Variants in PPP2R5C observed in about 807,000 individuals in gnomAD.
The protein encoded by PPP2R5C is serine/threonine-protein phosphatase 2A 56 kDa regulatory subunit gamma isoform.
In PPP2R5C, 7 loss-of-function variants were observed where a neutral mutation model predicts 68.9. The observed-to-expected ratio is 0.10, with a 90% CI of 0.06 to 0.19. The LOEUF is 0.19. Ranked by LOEUF, PPP2R5C falls within the 10% of genes least tolerant of loss-of-function variation. The pLI is 1.00. For synonymous variants in PPP2R5C, 210 were observed against 222.2 expected (o/e 0.95, Z 0.49); for missense variants, 348 against 641.3 (o/e 0.54, Z 4.94).
At chr14:101,923,880 A>T (rs536549624) in intron 13 of PPP2R5C, among the ~76,000 whole-genome samples, 1 of 117,970 alleles carries the variant, frequency 8.5e-6, no homozygotes, top group Non-Finnish European at 1.8e-5. Context: ...CATCCATGTC[A>T]AAATCAGACA....
rs2044254861 is a variant in PPP2R5C, at chr14:101,882,994, G to A, written c.406-263G>A. The A allele has an allele frequency of 2.6e-6, 1 of 391,168 alleles. No individual in the cohort carries two copies. The highest frequency in any genetic ancestry group is 4.6e-6 in the Non-Finnish European group (1 of 215,980). 24.2% of individuals were successfully genotyped at this position (391,168 alleles called of 1,614,324 possible). A position where few individuals can be genotyped will look rare whatever the true frequency, so the allele number is the denominator to read the frequency against. ...CTGTGCCCTGTAGTCCCTGAACAGTGTACTATAACTGATGACATCAGCCAT... is the reference window on the plus strand; with the variant it reads ...CTGTGCCCTGTAGTCCCTGAACAGTATACTATAACTGATGACATCAGCCAT... On this transcript the variant is annotated intron_variant, in intron 3 of 13. Coordinates refer to ENST00000334743, the Ensembl canonical transcript of PPP2R5C. The surrounding 1 kb of genome is among the most constrained non-coding windows in gnomAD (Gnocchi z 4.9).
chr14:101,844,138 T>G (rs1200021350), intron 1 of PPP2R5C: 1 of 147,216 alleles, frequency 6.8e-6, no homozygotes, highest in Non-Finnish European at 1.5e-5. Flanking sequence ...TTGGTGTTTT[T>G]TTTGTTTTTT....
At chr14:101,852,348 T>C (rs988759635) in intron 1 of PPP2R5C, among the ~76,000 whole-genome samples, 2 of 152,200 alleles carry the variant, frequency 1.3e-5, no homozygotes, top group South Asian at 2.1e-4. Flanking sequence ...CAGCCTACTT[T>C]AAAGGAGATC....
intron 2 of PPP2R5C, among the ~76,000 whole-genome samples, chr14:101,874,225 T>C (rs905272073): frequency 3.9e-5 from 6 of 152,242 alleles, no homozygotes; most frequent in African/African-American, 1.4e-4. Flanking sequence ...TCAGTTGATT[T>C]ATATCACGTT....
At chr14:101,837,888 C>G (rs1301142206) in intron 1 of PPP2R5C, among the ~76,000 whole-genome samples, 1 of 152,216 alleles carries the variant, frequency 6.6e-6, no homozygotes, top group Non-Finnish European at 1.5e-5. Context: ...AGGGTAGGCT[C>G]AGTCACTTGC....
At position 101,899,116 on chromosome 14, in the gene PPP2R5C, T is replaced by C. The variant is rs2045531193; in HGVS notation, c.853-2603T>C. On this transcript the variant is annotated intron_variant, in intron 8 of 13. Transcript: ENST00000334743. This position sits in a 1 kb window ranked among gnomAD's most constrained non-coding sequence, Gnocchi z 4.2. Reference sequence around the variant, plus strand: ...ATTAGTATTTTTCATTTGCTAATTGTGTACAGTGCTCAAAAGCTTTCTGGG... The same window carrying C: ...ATTAGTATTTTTCATTTGCTAATTGCGTACAGTGCTCAAAAGCTTTCTGGG... 6.6e-6 allele frequency among the ~76,000 whole-genome samples: 1 copy of C among 152,354 alleles called. No individual in the cohort carries two copies. Among genetic ancestry groups the C allele is most frequent in the Non-Finnish European group, 1.5e-5 (1 of 68,034 alleles).
intron 2 of PPP2R5C, among the ~76,000 whole-genome samples, chr14:101,867,903 G>T (rs756376485): frequency 6.6e-6 from 1 of 152,002 alleles, no homozygotes; most frequent in Non-Finnish European, 1.5e-5. Flanking sequence ...ATTTTAATCC[G>T]CACTGTCTGT....
chr14:101,898,079 G>C (rs2045463160), intron 8 of PPP2R5C, among the ~76,000 whole-genome samples: 1 of 152,100 alleles, frequency 6.6e-6, no homozygotes. Flanking sequence ...AGAGTTGTTT[G>C]AGCCCAGGGG....
exon 1 of PPP2R5C, chr14:101,810,017 G>T: frequency 1.2e-6 from 2 of 1,613,886 alleles, no homozygotes; most frequent in Non-Finnish European, 1.7e-6. Context: ...TCCAGCCCGT[G>T]GTCCTTCTCC....
exon 7 of PPP2R5C, chr14:101,893,105 C>G (rs2045060301): frequency 6.3e-7 from 1 of 1,589,034 alleles, no homozygotes; most frequent in Non-Finnish European, 8.6e-7. Context: ...TCTACCATCC[C>G]CAGGTAAGGG....
Position 101,899,822 on chromosome 14 carries a change from C to A in PPP2R5C, c.853-1897C>A, listed in dbSNP as rs2045574333. Among the ~76,000 whole-genome samples the A allele has an allele frequency of 6.6e-6, 1 of 152,068 alleles. No homozygotes were observed. Among genetic ancestry groups the A allele is most frequent in the Admixed American group, 6.6e-5 (1 of 15,266 alleles). On this transcript the variant is annotated intron_variant, in intron 8 of 13. Transcript: ENST00000334743. This position sits in a 1 kb window ranked among gnomAD's most constrained non-coding sequence, Gnocchi z 4.2. ...AATGATGCATTTTTAGAAATAATTC[C>A]TTTTAAAGACACTTGTATGGTAGAT...
chr14:101,834,973 C>G (rs2040991217), intron 1 of PPP2R5C, among the ~76,000 whole-genome samples: 1 of 152,150 alleles, frequency 6.6e-6, no homozygotes, highest in South Asian at 2.1e-4. Context: ...TTGGCAGGGT[C>G]AAGCCTACTT....
At chr14:101,870,987 C>T (rs573827249) in intron 2 of PPP2R5C, among the ~76,000 whole-genome samples, 2 of 152,052 alleles carry the variant, frequency 1.3e-5, no homozygotes, top group African/African-American at 4.8e-5. Context: ...CAGTGTATAT[C>T]CCCTCTTGGT....
chr14:101,762,804 C>A, intron 1 of PPP2R5C, 101 bp from the exon 2 acceptor site: 4 of 924,994 alleles, frequency 4.3e-6, no homozygotes, highest in Non-Finnish European at 6.8e-6. Flanking sequence ...ATATCAGAAG[C>A]TGTAGTTGTA....
At chr14:101,799,588 T>C (rs940542390) in intron 3 of PPP2R5C, among the ~76,000 whole-genome samples, 1 of 152,204 alleles carries the variant, frequency 6.6e-6, no homozygotes, top group African/African-American at 2.4e-5. Flanking sequence ...GAGCCTCTTC[T>C]GGGTTGCATT....
chr14:101,812,618 G>C (rs2039430916), intron 1 of PPP2R5C, among the ~76,000 whole-genome samples: 1 of 152,232 alleles, frequency 6.6e-6, no homozygotes, highest in Non-Finnish European at 1.5e-5. Flanking sequence ...CAGGATTACA[G>C]TAGTGGTATT....
intron 1 of PPP2R5C, 70 bp from the exon 2 acceptor site, chr14:101,762,835 A>G: frequency 7.8e-7 from 1 of 1,282,840 alleles, no homozygotes; most frequent in Non-Finnish European, 1.1e-6. Context: ...TTAAAACTGC[A>G]TTTGGCTTAT....
At chr14:101,826,396 C>T (rs2040400983) in intron 1 of PPP2R5C, among the ~76,000 whole-genome samples, 1 of 152,158 alleles carries the variant, frequency 6.6e-6, no homozygotes, top group African/African-American at 2.4e-5. Context: ...GTTGAAAAAA[C>T]AATTATTTCC....
At chr14:101,843,350 G>C (rs2041620041) in intron 1 of PPP2R5C, 1 of 182,082 alleles carries the variant, frequency 5.5e-6, no homozygotes, top group Admixed American at 6.0e-5. Context: ...TCAACTGTTA[G>C]AGATACGAAA....
Sources: allele counts gnomAD v4.1 joint callset (sites outside exome capture counted in the v4.1 genomes callset), GRCh38; gene constraint gnomAD v4.1.1; non-coding constraint Gnocchi (gnomAD v3.1); transcripts MANE v1.5; gene names NCBI Gene and HGNC (gene_info 2026-07-23, HGNC 2026-07-21).